ZMYM4: variants seen among roughly 807,000 people sequenced by gnomAD.
ZMYM4 encodes the protein zinc finger MYM-type containing 4.
In ZMYM4, 31 loss-of-function variants were observed where a neutral mutation model predicts 183.2. The observed-to-expected ratio is 0.17, with a 90% CI of 0.13 to 0.23. ZMYM4 has a LOEUF of 0.23. Ranked by LOEUF, ZMYM4 falls within the 10% of genes least tolerant of loss-of-function variation. ZMYM4 has a pLI of 1.00. For synonymous variants in ZMYM4, 592 were observed against 631.2 expected (o/e 0.94, Z 0.93); for missense variants, 1,273 against 1,840.3 (o/e 0.69, Z 5.64).
chr1:35,281,352 C>T (rs1484987246), intron 1 of ZMYM4, among the ~76,000 whole-genome samples: 1 of 151,386 alleles, frequency 6.6e-6, no homozygotes, highest in East Asian at 1.9e-4. Context: ...GTGCAGTAAG[C>T]CAGGCACAGG....
At chr1:35,354,476 A>G (rs977822515) in intron 2 of ZMYM4, among the ~76,000 whole-genome samples, 1 of 152,206 alleles carries the variant, frequency 6.6e-6, no homozygotes, top group Non-Finnish European at 1.5e-5. Flanking sequence ...CTGTAATCCC[A>G]GCACTTTGGG....
At position 35,388,961 on chromosome 1, in the gene ZMYM4, G is replaced by C; in HGVS notation, c.2315G>C (p.Cys772Ser). ...HDLAKRWGNH[C>S]KMCSYCLQTS... is the part of the protein sequence containing the mutation. ...TTGGCAAAACGCTGGGGAAATCACTGTAAAATGTGCAGTTATTGTTTACAG... is the reference window on the plus strand; with the variant it reads ...TTGGCAAAACGCTGGGGAAATCACTCTAAAATGTGCAGTTATTGTTTACAG... The change falls in exon 14 of 30, where the codon TGT (cysteine) becomes TCT (serine). Residue 772 changes from cysteine (C) to serine (S), a missense_variant. Around this residue, in one of 6 missense-constraint regions of ZMYM4, gnomAD observed 319 missense variants for 518.1 expected, o/e 0.62. Coordinates refer to ENST00000314607, the MANE Select transcript of ZMYM4 (RefSeq NM_005095.3). 6.2e-7 allele frequency: 1 copy of C among 1,614,008 alleles called. No homozygotes were observed. The highest frequency in any genetic ancestry group is 2.2e-5 in the East Asian group (1 of 44,854).
chr1:35,354,808 C>A (rs1643756523), intron 2 of ZMYM4, among the ~76,000 whole-genome samples: 1 of 147,852 alleles, frequency 6.8e-6, no homozygotes. Context: ...AAAAACATTG[C>A]CTAATTGCTC....
At position 35,269,036 on chromosome 1, in the gene ZMYM4, C is replaced by T; in HGVS notation, c.-11C>T. 3 of 1,541,542 alleles carry T rather than the reference C, an allele frequency of 1.9e-6. No individual in the cohort carries two copies. Among genetic ancestry groups the T allele is most frequent in the Non-Finnish European group, 2.6e-6 (3 of 1,143,594 alleles). On this transcript the variant is annotated 5_prime_UTR_variant, in exon 1 of 30. Coordinates refer to ENST00000314607, the MANE Select transcript of ZMYM4 (RefSeq NM_005095.3). ...CGCGGGGAGCCGCAGCGGTTCCGAG[C>T]GGGGCCCAACATGGCGGAGAGAGAG...
chr1:35,324,831 G>A (rs1183232443), intron 1 of ZMYM4, among the ~76,000 whole-genome samples: 1 of 152,126 alleles, frequency 6.6e-6, no homozygotes, highest in Non-Finnish European at 1.5e-5. Context: ...TTTTCCCTCT[G>A]TGTTTAAAGA....
intron 1 of ZMYM4, among the ~76,000 whole-genome samples, chr1:35,302,871 G>A (rs111660075): frequency 0.016 from 2,490 of 152,014 alleles, 29 homozygotes; most frequent in Non-Finnish European, 0.026. Context: ...CTGATGTGGT[G>A]GCTCATGCCT....
chr1:35,397,263 T>C, intron 19 of ZMYM4, 114 bp from the exon 20 acceptor site: 3 of 1,217,090 alleles, frequency 2.5e-6, no homozygotes, highest in Non-Finnish European at 3.3e-6. Flanking sequence ...TCATCAGCAA[T>C]GAATATACCT....
At chr1:35,298,690 A>C (rs1641135097) in intron 1 of ZMYM4, among the ~76,000 whole-genome samples, 1 of 152,168 alleles carries the variant, frequency 6.6e-6, no homozygotes, top group Admixed American at 6.5e-5. Flanking sequence ...GTTAACAGGA[A>C]GAGAAGCCCC....
chr1:35,405,248 T>A, intron 24 of ZMYM4, 54 bp downstream of exon 24: 1 of 1,596,786 alleles, frequency 6.3e-7, no homozygotes, highest in Non-Finnish European at 8.5e-7. Context: ...AATATACAGA[T>A]AATCTACTGA....
rs575712971 is a variant in ZMYM4, at chr1:35,385,489, C to T, written c.1617C>T (p.Ser539=). ...TPCALCKSLR[S]SAEMIENTNS... ...GTGCGCTTTGCAAATCATTGAGATC[C>T]TCAGCAGAAATGATTGAAAATACCA... Residue 539 remains serine, a synonymous_variant, in exon 10 of 30, where the codon TCC becomes TCT. Transcript: ENST00000314607. 7 of 1,613,174 alleles carry T rather than the reference C, an allele frequency of 4.3e-6. No homozygotes were observed. The highest frequency in any genetic ancestry group is 3.3e-5 in the Admixed American group (2 of 59,822).
intron 1 of ZMYM4, among the ~76,000 whole-genome samples, chr1:35,285,468 T>C (rs1170370272): frequency 6.6e-6 from 1 of 152,070 alleles, no homozygotes; most frequent in African/African-American, 2.4e-5. Flanking sequence ...AAAAAAGAAC[T>C]CACTACAGTC....
rs1644670396 is a variant in ZMYM4 at position 35,390,036 on chromosome 1, T to C, written c.2525T>C (p.Leu842Pro). Residue 842 changes from leucine to proline, a missense_variant, in exon 15 of 30, where the codon CTT (leucine) becomes CCT (proline). This residue lies in a region of ZMYM4 where 290 missense variants were observed against 353.3 expected (regional missense o/e 0.82). Coordinates refer to ENST00000314607, the MANE Select transcript of ZMYM4 (RefSeq NM_005095.3). ...RGEMKHFCNLLCILMFCNQQS... is the reference protein window; with the variant it reads ...RGEMKHFCNLPCILMFCNQQS... ...GAAATGAAACATTTCTGTAACCTGC[T>C]TTGTATCTTGATGTTCTGTAATCAG... 3.1e-6 allele frequency: 5 copies of C among 1,614,054 alleles called. No individual in the cohort carries two copies. The highest frequency in any genetic ancestry group is 2.2e-5 in the East Asian group (1 of 44,858).
intron 2 of ZMYM4, among the ~76,000 whole-genome samples, chr1:35,352,118 G>T (rs1156742856): frequency 6.6e-6 from 1 of 152,168 alleles, no homozygotes; most frequent in Non-Finnish European, 1.5e-5. Flanking sequence ...AAGTAAATAG[G>T]CTGGGTACAG....
intron 23 of ZMYM4, among the ~76,000 whole-genome samples, chr1:35,403,010 G>GGT (rs1457359151): frequency 3.9e-5 from 6 of 152,176 alleles, no homozygotes; most frequent in African/African-American, 7.2e-5. Flanking sequence ...GTTTCTCATA[G>GGT]GTGGTTTCTA....
In ZMYM4 at chr1:35,370,085, T is replaced by C. The variant is rs147233471; in HGVS notation, c.897T>C (p.Ala299=). 3.7e-6 allele frequency: 6 copies of C among 1,613,322 alleles called. No homozygotes were observed. The African/African-American group carries it at 6.7e-5, about 18-fold the overall frequency. Residue 299 remains alanine, a synonymous_variant, in exon 6 of 30, where the codon GCT becomes GCC. Transcript: ENST00000314607. ...KTQEGELKIS[A]VFSVSGSPLA... ...AAGAGGGGGAACTGAAAATTAGTGC[T>C]GTGTTTTCAGTCAGTGGCAGCCCTC...
chr1:35,333,739 G>A (rs900506708), intron 2 of ZMYM4, among the ~76,000 whole-genome samples: 2 of 151,982 alleles, frequency 1.3e-5, no homozygotes, highest in Non-Finnish European at 2.9e-5. Context: ...TGTATGTCAG[G>A]ATTTTGAGTT....
intron 9 of ZMYM4, 103 bp from the exon 10 acceptor site, chr1:35,385,339 A>T: frequency 8.1e-7 from 1 of 1,237,026 alleles, no homozygotes; most frequent in Non-Finnish European, 1.1e-6. Context: ...TTTGAAAATC[A>T]CTGATTTCAA....
chr1:35,385,293 C>T (rs1297986526), intron 9 of ZMYM4, 149 bp from the exon 10 acceptor site: 2 of 837,206 alleles, frequency 2.4e-6, no homozygotes, highest in Non-Finnish European at 3.6e-6. Context: ...ACATGTGTAC[C>T]ATGAAACTTC....
chr1:35,309,740 C>T (rs992418632), intron 1 of ZMYM4, among the ~76,000 whole-genome samples: 9 of 151,830 alleles, frequency 5.9e-5, no homozygotes, highest in Non-Finnish European at 1.2e-4. Context: ...GCTATGATCG[C>T]ACCACTGTAG....
Sources: gnomAD v4.1 joint callset for allele counts (sites outside exome capture counted in the v4.1 genomes callset) on GRCh38, gnomAD v4.1.1 for gene constraint, gnomAD v4.1.1 regional missense constraint, MANE v1.5 for transcripts, NCBI Gene and HGNC (gene_info 2026-07-23, HGNC 2026-07-21) for gene names.